EDA2R: variants seen among roughly 807,000 people sequenced by gnomAD.
EDA2R encodes tumor necrosis factor receptor superfamily member 27.
Under a neutral mutation model 20.1 loss-of-function variants are expected in EDA2R, and 26 were observed. The observed-to-expected ratio is 1.30, with a 90% CI of 0.95 to 1.80. The LOEUF (loss-of-function observed/expected upper bound fraction) is 1.80. Among genes scored for constraint, EDA2R ranks in the 40% most tolerant of loss-of-function variants. The probability of loss-of-function intolerance (pLI) is 0.00; values close to 1 mark genes in which losing one functional copy is unlikely to be tolerated. For missense variants in EDA2R, 277 were observed against 228.7 expected (o/e 1.21, Z -1.36); for synonymous variants, 114 against 88.7 (o/e 1.29, Z -1.60).
chrX:66,626,566 G>C (rs1034964723), intron 1 of EDA2R, among the ~76,000 whole-genome samples: 38 of 111,011 alleles, frequency 3.4e-4, no homozygotes, highest in African/African-American at 1.2e-3. Context: ...TGAGGAAGAA[G>C]AGAAATCTAA....
At chrX:66,601,633 A>G (rs1423046313) in intron 5 of EDA2R, among the ~76,000 whole-genome samples, 1 of 111,353 alleles carries the variant, frequency 9.0e-6, no homozygotes, top group East Asian at 2.8e-4. Flanking sequence ...CAGTGGGCTG[A>G]AAAGGAGTCC....
At chrX:66,628,132 G>T (rs1243567149) in intron 1 of EDA2R, among the ~76,000 whole-genome samples, 5 of 111,324 alleles carry the variant, frequency 4.5e-5, no homozygotes, top group Admixed American at 1.9e-4. Flanking sequence ...AAAATTCTTA[G>T]AACTGAATGA....
In EDA2R at chrX:66,602,666, A is replaced by C. The variant is rs758910551; in HGVS notation, c.484T>G (p.Cys162Gly). The C allele has an allele frequency of 4.3e-5, 51 of 1,199,949 alleles. No homozygotes were observed. The highest frequency in any genetic ancestry group is 5.1e-5 in the Non-Finnish European group (45 of 890,004). The change falls in exon 5 of 7, where the codon TGC becomes GGC. Residue 162 changes from cysteine (C) to glycine (G), a missense_variant. Physicochemically the swap from Cys to Gly is radical, Grantham distance 159. Transcript: ENST00000374719. ...LAFLGLFFLY[C>G]KQFFNRHCQR... Reference sequence around the variant, plus strand: ...CAATGTCTGTTGAAGAACTGCTTGCAGTAGAGGAAGAAGAGCCCCAGGAAG... The same window carrying C: ...CAATGTCTGTTGAAGAACTGCTTGCCGTAGAGGAAGAAGAGCCCCAGGAAG...
intron 1 of EDA2R, among the ~76,000 whole-genome samples, chrX:66,620,573 T>G (rs765104239): frequency 9.0e-6 from 1 of 111,543 alleles, no homozygotes; most frequent in East Asian, 2.8e-4. Flanking sequence ...TAAATTTTTG[T>G]GACACTGGAT....
chrX:66,624,377 G>T (rs1240566748), intron 1 of EDA2R, among the ~76,000 whole-genome samples: 1 of 111,327 alleles, frequency 9.0e-6, no homozygotes, highest in East Asian at 2.8e-4. Flanking sequence ...AATTGAGCTA[G>T]GTGTGGTTGC....
chrX:66,631,784 A>T (rs1265303709), intron 1 of EDA2R, among the ~76,000 whole-genome samples: 1 of 111,716 alleles, frequency 9.0e-6, no homozygotes, highest in Non-Finnish European at 1.9e-5. Context: ...CTGGGAAACC[A>T]GAAGAATCTA....
intron 2 of EDA2R, among the ~76,000 whole-genome samples, chrX:66,610,185 C>T (rs1241728058): frequency 9.2e-6 from 1 of 109,125 alleles, no homozygotes; most frequent in African/African-American, 3.3e-5. Context: ...CGACAACCAC[C>T]TTATGAGAAA....
intron 1 of EDA2R, among the ~76,000 whole-genome samples, chrX:66,629,830 C>CA (rs978781992): frequency 3.8e-4 from 40 of 106,110 alleles, no homozygotes; most frequent in East Asian, 1.2e-3. Context: ...CACAGAATTA[C>CA]AAAAAAAAAA....
chrX:66,604,706 T>C (rs1157571473), intron 3 of EDA2R, among the ~76,000 whole-genome samples, 200 bp from the exon 4 acceptor site: 3 of 111,671 alleles, frequency 2.7e-5, no homozygotes, highest in East Asian at 2.8e-4. Context: ...CATGACACCA[T>C]GTAGCCAAAA....
intron 1 of EDA2R, among the ~76,000 whole-genome samples, chrX:66,619,262 C>A (rs906171931): frequency 8.9e-6 from 1 of 111,770 alleles, no homozygotes; most frequent in Non-Finnish European, 1.9e-5. Flanking sequence ...TCCAAGATAC[C>A]CTCAGTGCCT....
chrX:66,638,648 C>T (rs981249188), intron 1 of EDA2R, among the ~76,000 whole-genome samples: 1 of 111,174 alleles, frequency 9.0e-6, no homozygotes, highest in Non-Finnish European at 1.9e-5. Context: ...CCACTGTCCC[C>T]GCCTTCACTA....
intron 1 of EDA2R, among the ~76,000 whole-genome samples, chrX:66,623,592 G>A (rs927996508): frequency 3.6e-5 from 4 of 111,334 alleles, no homozygotes; most frequent in Admixed American, 1.9e-4. Flanking sequence ...TAGATGATAC[G>A]CCTACCTCAA....
At chrX:66,630,535 T>C in intron 1 of EDA2R, among the ~76,000 whole-genome samples, 1 of 110,732 alleles carries the variant, frequency 9.0e-6, no homozygotes, top group East Asian at 2.8e-4. Context: ...GCTAAGGACA[T>C]AAATAGACAA....
intron 4 of EDA2R, 78 bp downstream of exon 4, chrX:66,604,343 A>T: frequency 1.1e-6 from 1 of 876,128 alleles, no homozygotes; most frequent in Non-Finnish European, 1.6e-6. Flanking sequence ...ATGAGGGGAT[A>T]TGGGTAGTCT....
At chrX:66,632,434 A>AAGGAGG (rs111434768) in intron 1 of EDA2R, among the ~76,000 whole-genome samples, 175 of 104,008 alleles carry the variant, frequency 1.7e-3, no homozygotes, top group African/African-American at 5.5e-3. Context: ...GAAGAAGAAG[A>AAGGAGG]AGCAGGAGGA....
At chrX:66,637,081 T>C (rs1355744196) in intron 1 of EDA2R, among the ~76,000 whole-genome samples, 1 of 111,598 alleles carries the variant, frequency 9.0e-6, no homozygotes, top group Non-Finnish European at 1.9e-5. Flanking sequence ...GACTTGAAAA[T>C]AGCTGTGTCT....
chrX:66,619,116 A>G (rs1355027329), intron 1 of EDA2R, among the ~76,000 whole-genome samples: 1 of 111,325 alleles, frequency 9.0e-6, no homozygotes, highest in African/African-American at 3.3e-5. Context: ...GGGGAAGAAA[A>G]AGGAAAGGCA....
chrX:66,626,559 G>A (rs1602303636), intron 1 of EDA2R, among the ~76,000 whole-genome samples: 1 of 110,980 alleles, frequency 9.0e-6, no homozygotes, highest in Non-Finnish European at 1.9e-5. Context: ...GTGTTTCTGA[G>A]GAAGAAGAGA....
chrX:66,629,624 A>T (rs1398161737), intron 1 of EDA2R, among the ~76,000 whole-genome samples: 1 of 111,762 alleles, frequency 8.9e-6, no homozygotes, highest in Non-Finnish European at 1.9e-5. Context: ...ACTTAGGAAT[A>T]TATCTAACCA....
Sources: gnomAD v4.1 joint callset for allele counts (sites outside exome capture counted in the v4.1 genomes callset) on GRCh38, gnomAD v4.1.1 for gene constraint, MANE v1.5 for transcripts, NCBI Gene and HGNC (gene_info 2026-07-23, HGNC 2026-07-21) for gene names.